PCDHGA2: variants seen among roughly 807,000 people sequenced by gnomAD.
The protein encoded by PCDHGA2 is protocadherin gamma-A2.
In PCDHGA2, 40 loss-of-function variants were observed where a neutral mutation model predicts 59.2. That is an observed-to-expected ratio of 0.68 (90% confidence interval 0.52 to 0.88). PCDHGA2 has a LOEUF of 0.88. Ranked by LOEUF, PCDHGA2 falls within the 40% of genes least tolerant of loss-of-function variation. PCDHGA2 has a pLI of 0.00. For synonymous variants in PCDHGA2, 560 were observed against 526.0 expected (o/e 1.06, Z -0.89); for missense variants, 1,226 against 1,204.0 (o/e 1.02, Z -0.27).
chr5:141,350,897 G>T (rs748000231), intron 1 of PCDHGA2: 1 of 1,614,028 alleles, frequency 6.2e-7, no homozygotes, highest in East Asian at 2.2e-5. Flanking sequence ...GACTGCCATG[G>T]ATGGCGGGGA....
intron 1 of PCDHGA2, chr5:141,423,653 G>A: frequency 6.3e-7 from 1 of 1,578,174 alleles, no homozygotes. Context: ...GACCCGACAA[G>A]TAATCAGGTG....
intron 1 of PCDHGA2, chr5:141,385,151 A>T: frequency 6.2e-7 from 1 of 1,614,224 alleles, no homozygotes; most frequent in Non-Finnish European, 8.5e-7. Context: ...GCTTTCCTGC[A>T]GACCTATTCC....
intron 1 of PCDHGA2, chr5:141,356,486 C>T (rs978605314): frequency 1.2e-6 from 2 of 1,613,992 alleles, no homozygotes; most frequent in South Asian, 1.1e-5. Flanking sequence ...GACCAGGGAA[C>T]TCCTCCACTG....
chr5:141,409,230 A>G, intron 1 of PCDHGA2: 1 of 1,614,024 alleles, frequency 6.2e-7, no homozygotes. Context: ...GAAAACGACA[A>G]CAGCCCAGAA....
Position 141,362,718 on chromosome 5 carries a change from G to A in PCDHGA2, c.2424+21323G>A, listed in dbSNP as rs1762651072. The A allele has an allele frequency of 4.5e-6, 4 of 880,132 alleles. No homozygotes were observed. In the East Asian group the frequency reaches 8.0e-5, roughly 18 times the overall value. The allele number at this position is 880,132 out of a possible 1,614,324, so 54.5% of individuals were successfully genotyped here. A position where few individuals can be genotyped will look rare whatever the true frequency, so the allele number is the denominator to read the frequency against. Reference sequence around the variant, plus strand: ...ACTGAATTTTAAGTGTTTTCTCTCTGAAGTGTGAGATTTATTTACCCATGA... The same window carrying A: ...ACTGAATTTTAAGTGTTTTCTCTCTAAAGTGTGAGATTTATTTACCCATGA... On this transcript the variant is annotated intron_variant, in intron 1 of 3. Coordinates refer to ENST00000394576, the MANE Select transcript of PCDHGA2 (RefSeq NM_018915.4).
intron 1 of PCDHGA2, chr5:141,430,946 G>C: frequency 6.2e-7 from 1 of 1,609,494 alleles, no homozygotes. Context: ...CGCGGAGCGC[G>C]GAGTCCGCAT....
intron 1 of PCDHGA2, chr5:141,420,154 T>C (rs2096470856): frequency 2.5e-6 from 4 of 1,613,948 alleles, no homozygotes; most frequent in Non-Finnish European, 2.5e-6. Flanking sequence ...ATCCAGAATT[T>C]AATTTTTTCA....
At chr5:141,367,766 A>T (rs1166226365) in intron 1 of PCDHGA2, 4 of 152,176 alleles carry the variant, frequency 2.6e-5, no homozygotes, top group Admixed American at 2.0e-4. Context: ...TGCACTCAAT[A>T]AATGTAAATA....
At chr5:141,363,400 G>C (rs1762910571) in intron 1 of PCDHGA2, among the ~76,000 whole-genome samples, 1 of 151,934 alleles carries the variant, frequency 6.6e-6, no homozygotes, top group Admixed American at 6.6e-5. Context: ...GTCATATAAA[G>C]ATGATAGCAG....
At chr5:141,501,290 TACAC>T (rs55762287) in intron 2 of PCDHGA2, among the ~76,000 whole-genome samples, 45,565 of 135,778 alleles carry the variant, frequency 0.34, 7,845 homozygotes, top group Non-Finnish European at 0.42. Flanking sequence ...TATTCCCTTA[TACAC>T]ACACACACAC....
At chr5:141,348,827 A>C (rs985271753) in intron 1 of PCDHGA2, among the ~76,000 whole-genome samples, 12 of 152,220 alleles carry the variant, frequency 7.9e-5, no homozygotes, top group Middle Eastern at 3.2e-3. Context: ...TTTCGAATAG[A>C]GTATGAGTAT....
intron 1 of PCDHGA2, among the ~76,000 whole-genome samples, chr5:141,444,703 T>A (rs963617867): frequency 6.6e-6 from 1 of 152,248 alleles, no homozygotes; most frequent in Non-Finnish European, 1.5e-5. Context: ...TTCCTCTTTC[T>A]GTTGAATTTG....
intron 1 of PCDHGA2, chr5:141,419,237 C>A (rs2096348240): frequency 6.2e-7 from 1 of 1,613,988 alleles, no homozygotes; most frequent in Non-Finnish European, 8.5e-7. Flanking sequence ...CTACCTGGTC[C>A]ACGTGCCAGA....
intron 1 of PCDHGA2, chr5:141,417,739 C>T: frequency 6.4e-6 from 9 of 1,411,706 alleles, no homozygotes; most frequent in Non-Finnish European, 5.6e-6. Flanking sequence ...GCCCAGCACA[C>T]CAGATTGCCA....
At chr5:141,371,425 C>A in intron 1 of PCDHGA2, 1 of 1,613,882 alleles carries the variant, frequency 6.2e-7, no homozygotes, top group Non-Finnish European at 8.5e-7. Flanking sequence ...AATGACAATG[C>A]CCCGGAGATA....
chr5:141,415,076 G>A (rs772523894), intron 1 of PCDHGA2: 3 of 1,613,462 alleles, frequency 1.9e-6, no homozygotes, highest in South Asian at 1.1e-5. Context: ...CGCACGGCGC[G>A]AGCCCTGCTG....
intron 1 of PCDHGA2, among the ~76,000 whole-genome samples, chr5:141,447,851 C>A (rs961725006): frequency 6.6e-6 from 1 of 151,980 alleles, no homozygotes; most frequent in African/African-American, 2.4e-5. Flanking sequence ...TTTGGGAGGC[C>A]GAGGTGGGTG....
At chr5:141,393,349 C>G in intron 1 of PCDHGA2, 1 of 1,613,964 alleles carries the variant, frequency 6.2e-7, no homozygotes, top group Non-Finnish European at 8.5e-7. Context: ...CACCACTTCT[C>G]CCTGGACGTG....
At chr5:141,430,935 T>G (rs748546768) in intron 1 of PCDHGA2, 1 of 1,607,814 alleles carries the variant, frequency 6.2e-7, no homozygotes. Context: ...CCCCGGGAGC[T>G]CGCGGAGCGC....
Sources: allele counts gnomAD v4.1 joint callset (sites outside exome capture counted in the v4.1 genomes callset), GRCh38; gene constraint gnomAD v4.1.1; transcripts MANE v1.5; gene names NCBI Gene and HGNC (gene_info 2026-07-23, HGNC 2026-07-21).